The following SGCD variants were observed in gnomAD, a reference collection of about 807,000 sequenced individuals.
SGCD encodes delta-sarcoglycan.
Under a neutral mutation model 36.6 loss-of-function variants are expected in SGCD, and 18 were observed. That is an observed-to-expected ratio of 0.49 (90% CI 0.34 to 0.73). The LOEUF is 0.73. SGCD is among the 30% of genes least tolerant of loss of function. The probability of loss-of-function intolerance (pLI) is 0.01; values close to 1 mark genes in which losing one functional copy is unlikely to be tolerated. For missense variants in SGCD, 387 were observed against 346.7 expected (o/e 1.12, Z -0.92); for synonymous variants, 133 against 130.6 (o/e 1.02, Z -0.12).
At chr5:156,667,557 C>A (rs1342690307) in intron 7 of SGCD, among the ~76,000 whole-genome samples, 1 of 152,154 alleles carries the variant, frequency 6.6e-6, no homozygotes, top group Non-Finnish European at 1.5e-5. Context: ...AAAACTATAG[C>A]GGACCAAATA....
the SGCD span, among the ~76,000 whole-genome samples, chr5:155,820,066 C>T: frequency 6.6e-6 from 1 of 151,986 alleles, no homozygotes; most frequent in Non-Finnish European, 1.5e-5. Flanking sequence ...ACCAGAATGT[C>T]CAAGCAGTGT....
chr5:156,551,672 G>T (rs1416357019), intron 4 of SGCD, among the ~76,000 whole-genome samples: 2 of 152,162 alleles, frequency 1.3e-5, no homozygotes, highest in African/African-American at 4.8e-5. Context: ...AACCATGCAT[G>T]ATCTTGGTTT....
At chr5:156,132,782 T>C (rs1440769157) in intron 3 of SGCD, among the ~76,000 whole-genome samples, 5 of 152,158 alleles carry the variant, frequency 3.3e-5, no homozygotes, top group Non-Finnish European at 7.3e-5. Context: ...CCAAGTCTTA[T>C]GATGGTCCTT....
chr5:156,677,408 C>T (rs952288223), intron 7 of SGCD, among the ~76,000 whole-genome samples: 7 of 151,990 alleles, frequency 4.6e-5, no homozygotes, highest in African/African-American at 1.2e-4. Flanking sequence ...AGAAAACTAT[C>T]GCAAGGACAG....
intron 6 of SGCD, among the ~76,000 whole-genome samples, chr5:156,623,648 T>C (rs867820277): frequency 2.6e-5 from 4 of 152,222 alleles, no homozygotes; most frequent in Admixed American, 2.0e-4. Context: ...ACATTTAAAG[T>C]ACTTGTATTA....
intron 3 of SGCD, among the ~76,000 whole-genome samples, chr5:156,433,343 A>G (rs1429990908): frequency 6.6e-6 from 1 of 152,144 alleles, no homozygotes; most frequent in East Asian, 1.9e-4. Flanking sequence ...ACCATAGCCT[A>G]TTCACATGCT....
At chr5:155,964,606 C>T (rs1035371771) in intron 1 of SGCD, among the ~76,000 whole-genome samples, 1 of 152,010 alleles carries the variant, frequency 6.6e-6, no homozygotes, top group African/African-American at 2.4e-5. Context: ...AAATTACAGG[C>T]GTGAGCCACC....
chr5:156,460,381 T>C (rs1225023897), intron 3 of SGCD, among the ~76,000 whole-genome samples: 1 of 152,200 alleles, frequency 6.6e-6, no homozygotes, highest in Non-Finnish European at 1.5e-5. Context: ...TTATCATAAT[T>C]GTGCATATGC....
chr5:155,883,673 G>A (rs990299083), intron 1 of SGCD, among the ~76,000 whole-genome samples: 4 of 151,140 alleles, frequency 2.6e-5, no homozygotes, highest in Non-Finnish European at 4.4e-5. Context: ...TAATGAAAAA[G>A]CTTGAAGTAT....
chr5:155,850,090 C>T, the SGCD span, among the ~76,000 whole-genome samples: 1 of 143,888 alleles, frequency 6.9e-6, no homozygotes, highest in African/African-American at 2.4e-5. Context: ...TGGGCTCATC[C>T]TAATTGATTA....
At chr5:156,594,485 T>C (rs577271560) in intron 5 of SGCD, among the ~76,000 whole-genome samples, 1 of 152,304 alleles carries the variant, frequency 6.6e-6, no homozygotes, top group Non-Finnish European at 1.5e-5. Flanking sequence ...GGGTACAAAG[T>C]TAAACACATT....
chr5:156,286,742 G>A (rs531078238), intron 3 of SGCD, among the ~76,000 whole-genome samples: 1 of 152,140 alleles, frequency 6.6e-6, no homozygotes, highest in Admixed American at 6.5e-5. Context: ...GTTACTGGGT[G>A]CAGCACACCA....
intron 3 of SGCD, among the ~76,000 whole-genome samples, chr5:156,395,998 T>C (rs748976901): frequency 3.3e-5 from 5 of 152,206 alleles, no homozygotes; most frequent in Admixed American, 6.5e-5. Flanking sequence ...TTTTGACATA[T>C]CCATAGGACC....
chr5:156,211,099 T>C (rs908834633), intron 3 of SGCD, among the ~76,000 whole-genome samples: 4 of 152,008 alleles, frequency 2.6e-5, no homozygotes, highest in Non-Finnish European at 4.4e-5. Context: ...ATAAGTCTAA[T>C]AGCAGATTTC....
chr5:156,558,283 C>A (rs1364653864), intron 4 of SGCD, among the ~76,000 whole-genome samples: 1 of 151,746 alleles, frequency 6.6e-6, no homozygotes, highest in Non-Finnish European at 1.5e-5. Context: ...CTGGAAATAG[C>A]AATATTGCCT....
At chr5:156,459,744 T>G (rs1754405345) in intron 3 of SGCD, among the ~76,000 whole-genome samples, 1 of 152,188 alleles carries the variant, frequency 6.6e-6, no homozygotes, top group African/African-American at 2.4e-5. Context: ...GAGGCGATTT[T>G]CAAGGTTTAA....
intron 2 of SGCD, among the ~76,000 whole-genome samples, chr5:156,341,498 G>GA (rs1768650816): frequency 6.6e-6 from 1 of 152,178 alleles, no homozygotes; most frequent in East Asian, 1.9e-4. Flanking sequence ...TCCAGATTCT[G>GA]AAAATGGAGC....
chr5:155,942,334 GTATC>G (rs67577711), intron 1 of SGCD, among the ~76,000 whole-genome samples: 6 of 138,414 alleles, frequency 4.3e-5, no homozygotes, highest in Non-Finnish European at 7.7e-5. Flanking sequence ...ATGTATGTAT[GTATC>G]TATCTATCTA....
intron 1 of SGCD, among the ~76,000 whole-genome samples, chr5:155,877,382 A>G (rs1426932946): frequency 2.0e-5 from 3 of 152,124 alleles, no homozygotes; most frequent in Non-Finnish European, 4.4e-5. Flanking sequence ...GTTAGTTTGA[A>G]GTTTAAGATA....
Sources: allele counts gnomAD v4.1 joint callset (sites outside exome capture counted in the v4.1 genomes callset), GRCh38; gene constraint gnomAD v4.1.1; transcripts MANE v1.5; gene names NCBI Gene and HGNC (gene_info 2026-07-23, HGNC 2026-07-21).